WWC2: variants seen among roughly 807,000 people sequenced by gnomAD.
The protein encoded by WWC2 is protein WWC2.
WWC2 carries 101 observed loss-of-function variants against 138.5 expected under a neutral mutation model. The ratio of observed to expected loss-of-function variants is 0.73; its 90% CI spans 0.62 to 0.86. The LOEUF is 0.86. WWC2 is among the 40% of genes least tolerant of loss of function. WWC2 has a pLI of 0.00. For synonymous variants in WWC2, 558 were observed against 538.4 expected (o/e 1.04, Z -0.50); for missense variants, 1,420 against 1,419.4 (o/e 1.00, Z -0.01).
intron 4 of WWC2, among the ~76,000 whole-genome samples, chr4:183,226,521 A>G (rs964325023): frequency 1.3e-5 from 2 of 152,122 alleles, no homozygotes; most frequent in Non-Finnish European, 2.9e-5. Flanking sequence ...AATACTAATA[A>G]TAACTAAGCT....
rs546482221 is a variant in WWC2 at position 183,205,894 on chromosome 4, T to C, written c.242-2059T>C. On this transcript the variant is annotated intron_variant, in intron 2 of 22. Transcript: ENST00000403733. ...CGTCCCAGTTGTCCTTTGCCTGGCCTTGTGCATTTCCCGTTGTCATCTCAG... is the reference window on the plus strand; with the variant it reads ...CGTCCCAGTTGTCCTTTGCCTGGCCCTGTGCATTTCCCGTTGTCATCTCAG... Among the ~76,000 whole-genome samples, 3 of 152,322 alleles carry C rather than the reference T, an allele frequency of 2.0e-5. No individual in the cohort carries two copies. The South Asian group carries it at 6.2e-4, about 32-fold the overall frequency.
rs1173615320 is a variant in WWC2 at position 183,315,838 on chromosome 4, C to A, written c.*109C>A. 2.7e-6 allele frequency: 2 copies of A among 747,740 alleles called. No individual in the cohort carries two copies. The highest frequency in any genetic ancestry group is 3.1e-5 in the Admixed American group (1 of 32,514). The allele number at this position is 747,740 out of a possible 1,614,324, so 46.3% of individuals were successfully genotyped here. A position where few individuals can be genotyped will look rare whatever the true frequency, so the allele number is the denominator to read the frequency against. Reference sequence around the variant, plus strand: ...TGTTTGGTTTTTTTTGGTAACGTAACTGTCAACTCTTGAAGAACTTTTATT... The same window carrying A: ...TGTTTGGTTTTTTTTGGTAACGTAAATGTCAACTCTTGAAGAACTTTTATT... On this transcript the variant is annotated 3_prime_UTR_variant, in exon 23 of 23. Transcript: ENST00000403733.
chr4:183,288,163 A>G (rs1738317137), intron 20 of WWC2, among the ~76,000 whole-genome samples: 1 of 152,244 alleles, frequency 6.6e-6, no homozygotes, highest in Non-Finnish European at 1.5e-5. Context: ...AGAATGTTAC[A>G]GAAGACCATG....
At chr4:183,121,663 CATT>C (rs1279542272) in intron 1 of WWC2, among the ~76,000 whole-genome samples, 1 of 151,734 alleles carries the variant, frequency 6.6e-6, no homozygotes. Flanking sequence ...CTTTGTCAAA[CATT>C]ATATTTCAAA....
intron 4 of WWC2, among the ~76,000 whole-genome samples, chr4:183,228,094 C>G (rs924734647): frequency 6.6e-6 from 1 of 151,874 alleles, no homozygotes; most frequent in Non-Finnish European, 1.5e-5. Context: ...AACAAAGATA[C>G]AGAAAAGTTA....
At chr4:183,110,432 AT>A (rs545128013) in intron 1 of WWC2, among the ~76,000 whole-genome samples, 36,080 of 117,336 alleles carry the variant, frequency 0.31, 4,086 homozygotes, top group Admixed American at 0.41. Context: ...CTGTAGAGCT[AT>A]TTTTTTTTTT....
At position 183,319,479 on chromosome 4, in the gene WWC2, T is replaced by G; in HGVS notation, c.*3750T>G. On this transcript the variant is annotated 3_prime_UTR_variant, in exon 23 of 23. Transcript: ENST00000403733. Reference sequence around the variant, plus strand: ...TTCAAAAATCAAAAGCACAGTGAGATGACTAGAGCGGGACATCCTACCAAA... The same window carrying G: ...TTCAAAAATCAAAAGCACAGTGAGAGGACTAGAGCGGGACATCCTACCAAA... 1 of 1,385,090 alleles carries G rather than the reference T, an allele frequency of 7.2e-7. No homozygotes were observed. Among genetic ancestry groups the G allele is most frequent in the Non-Finnish European group, 9.8e-7 (1 of 1,015,476 alleles). 85.8% of individuals were successfully genotyped at this position (1,385,090 alleles called of 1,614,324 possible). A position where few individuals can be genotyped will look rare whatever the true frequency, so the allele number is the denominator to read the frequency against.
At chr4:183,299,692 C>G (rs1289617179) in intron 21 of WWC2, among the ~76,000 whole-genome samples, 1 of 152,164 alleles carries the variant, frequency 6.6e-6, no homozygotes. Flanking sequence ...CATGGGTACA[C>G]CAGCACCTGC....
At chr4:183,185,563 T>A (rs1734766416) in intron 1 of WWC2, among the ~76,000 whole-genome samples, 1 of 152,244 alleles carries the variant, frequency 6.6e-6, no homozygotes, top group Non-Finnish European at 1.5e-5. Context: ...TTGTAATTTT[T>A]CAATTTTTTG....
intron 8 of WWC2, among the ~76,000 whole-genome samples, chr4:183,253,385 G>A (rs754285827): frequency 3.3e-5 from 5 of 152,120 alleles, no homozygotes; most frequent in Non-Finnish European, 5.9e-5. Flanking sequence ...AACCCCCCAG[G>A]CATCTTTCCT....
chr4:183,234,405 A>G (rs1352347973), intron 4 of WWC2, among the ~76,000 whole-genome samples: 1 of 152,222 alleles, frequency 6.6e-6, no homozygotes, highest in African/African-American at 2.4e-5. Context: ...GAGAGAAAAC[A>G]CACACACTGG....
At chr4:183,260,602 C>T (rs572375882) in intron 10 of WWC2, among the ~76,000 whole-genome samples, 6 of 152,292 alleles carry the variant, frequency 3.9e-5, no homozygotes, top group South Asian at 2.1e-4. Flanking sequence ...TGTGCAGGTT[C>T]GTAGCCTGGG....
chr4:183,262,599 A>AGGG (rs2111360984), intron 11 of WWC2, among the ~76,000 whole-genome samples: 1 of 152,358 alleles, frequency 6.6e-6, no homozygotes, highest in East Asian at 1.9e-4. Flanking sequence ...GGCCCATGAG[A>AGGG]CATTTGTGTG....
chr4:183,255,205 C>A, intron 9 of WWC2, among the ~76,000 whole-genome samples: 1 of 152,190 alleles, frequency 6.6e-6, no homozygotes, highest in East Asian at 1.9e-4. Context: ...CTCCATTTCC[C>A]CTTCTTTTCT....
chr4:183,315,153 G>C (rs187143242), intron 22 of WWC2, among the ~76,000 whole-genome samples: 1 of 152,128 alleles, frequency 6.6e-6, no homozygotes, highest in Admixed American at 6.5e-5. Flanking sequence ...CCGCTGCTTC[G>C]GGACCAGGGC....
chr4:183,293,521 T>C (rs1738529982), intron 21 of WWC2, among the ~76,000 whole-genome samples: 2 of 152,178 alleles, frequency 1.3e-5, no homozygotes, highest in Non-Finnish European at 2.9e-5. Context: ...TGATCATAAA[T>C]AGGTAAACAT....
chr4:183,101,990 TTTA>T, intron 1 of WWC2, among the ~76,000 whole-genome samples: 1 of 152,190 alleles, frequency 6.6e-6, no homozygotes, highest in South Asian at 2.1e-4. Context: ...ATTATGCCGA[TTTA>T]GTAGGGGAGG....
intron 4 of WWC2, among the ~76,000 whole-genome samples, chr4:183,231,624 C>T (rs1163907340): frequency 6.6e-6 from 1 of 152,006 alleles, no homozygotes; most frequent in Non-Finnish European, 1.5e-5. Flanking sequence ...AAAATTGATT[C>T]AACGAGGAAT....
intron 4 of WWC2, among the ~76,000 whole-genome samples, chr4:183,235,666 C>G (rs978455184): frequency 6.6e-6 from 1 of 152,132 alleles, no homozygotes; most frequent in African/African-American, 2.4e-5. Flanking sequence ...TGCAGCCTTT[C>G]CTTCTTTTAA....
Sources: allele counts gnomAD v4.1 joint callset (sites outside exome capture counted in the v4.1 genomes callset), GRCh38; gene constraint gnomAD v4.1.1; transcripts MANE v1.5; gene names NCBI Gene and HGNC (gene_info 2026-07-23, HGNC 2026-07-21).